Variants in ADGRV1 observed in about 807,000 individuals in gnomAD.
ADGRV1 encodes the protein G-protein coupled receptor 98.
In ADGRV1, 359 loss-of-function variants were observed where a neutral mutation model predicts 596.2. The ratio of observed to expected loss-of-function variants is 0.60; its 90% confidence interval spans 0.55 to 0.66. ADGRV1 has a LOEUF of 0.66. Ranked by LOEUF, ADGRV1 falls within the 30% of genes least tolerant of loss-of-function variation. The pLI, the probability that ADGRV1 is intolerant of heterozygous loss-of-function variation, is 0.00. For missense variants in ADGRV1, 7,274 were observed against 7,575.6 expected, an observed-to-expected ratio of 0.96 and a Z score of 1.48; for synonymous variants, 2,681 against 2,679.2, an observed-to-expected ratio of 1.00 and a Z score of -0.02.
At chr5:91,069,511 C>T (rs1185774872) in intron 85 of ADGRV1, among the ~76,000 whole-genome samples, 1 of 152,120 alleles carries the variant, frequency 6.6e-6, no homozygotes, top group Non-Finnish European at 1.5e-5. Flanking sequence ...TGATAAAATG[C>T]TCTACATCAT....
intron 83 of ADGRV1, among the ~76,000 whole-genome samples, chr5:90,918,434 A>C (rs1260509369): frequency 6.6e-6 from 1 of 152,150 alleles, no homozygotes; most frequent in Non-Finnish European, 1.5e-5. Flanking sequence ...CAGCGATTTT[A>C]TCTCTTGCAT....
chr5:91,151,964 T>A (rs1201113390), intron 88 of ADGRV1, among the ~76,000 whole-genome samples: 1 of 152,242 alleles, frequency 6.6e-6, no homozygotes, highest in Non-Finnish European at 1.5e-5. Context: ...GTCTTTGCTG[T>A]TTCTCAGAAC....
At position 90,759,608 on chromosome 5, in the gene ADGRV1, G is replaced by C; in HGVS notation, c.12120+20G>C. 6.2e-7 allele frequency: 1 copy of C among 1,600,006 alleles called. No homozygotes were observed. The highest frequency in any genetic ancestry group is 8.6e-7 in the Non-Finnish European group (1 of 1,168,204). On this transcript the variant is annotated intron_variant, in intron 58 of 89. Coordinates refer to ENST00000405460, the MANE Select transcript of ADGRV1 (RefSeq NM_032119.4). ...AAGACTGTAAGTTAAACATATCAGG[G>C]GAAAGCCTTGTTTCAGGCTAGCGTT...
chr5:91,035,398 A>G (rs918142908), intron 85 of ADGRV1, among the ~76,000 whole-genome samples: 2 of 152,148 alleles, frequency 1.3e-5, no homozygotes, highest in Non-Finnish European at 2.9e-5. Flanking sequence ...TGTTTATAAG[A>G]TTTTAAGATA....
chr5:90,915,257 G>A (rs1382797966), intron 83 of ADGRV1, among the ~76,000 whole-genome samples: 2 of 152,050 alleles, frequency 1.3e-5, no homozygotes, highest in African/African-American at 4.8e-5. Context: ...TTTGTATAGG[G>A]CATTATTTAT....
chr5:91,072,239 T>C (rs1276214355), intron 85 of ADGRV1, among the ~76,000 whole-genome samples: 2 of 152,222 alleles, frequency 1.3e-5, no homozygotes, highest in Admixed American at 1.3e-4. Flanking sequence ...AAGAGGTGAA[T>C]GTTCCAGGGA....
chr5:90,846,890 C>G (rs1765938241), intron 78 of ADGRV1, among the ~76,000 whole-genome samples: 1 of 152,156 alleles, frequency 6.6e-6, no homozygotes, highest in Admixed American at 6.5e-5. Flanking sequence ...TCCATTTTGA[C>G]AGGGTGCTGA....
chr5:90,976,229 T>C (rs1176112307), intron 84 of ADGRV1, among the ~76,000 whole-genome samples: 1 of 147,768 alleles, frequency 6.8e-6, no homozygotes, highest in Non-Finnish European at 1.5e-5. Context: ...TATATATATA[T>C]ATATACACAA....
intron 1 of ADGRV1, among the ~76,000 whole-genome samples, chr5:90,603,901 CGT>C (rs1456797667): frequency 7.6e-6 from 1 of 131,180 alleles, no homozygotes; most frequent in African/African-American, 2.7e-5. Flanking sequence ...CCTGCACACA[CGT>C]GTGTGCAGGC....
At position 90,644,718 on chromosome 5, in the gene ADGRV1, T is replaced by G; in HGVS notation, c.2747T>G (p.Val916Gly). 6.2e-7 allele frequency: 1 copy of G among 1,608,502 alleles called. No individual in the cohort carries two copies. Among genetic ancestry groups the G allele is most frequent in the Non-Finnish European group, 8.5e-7 (1 of 1,178,182 alleles). Residue 916 changes from valine to glycine, a missense_variant, in exon 15 of 90, where the codon GTA (valine) becomes GGA (glycine). This residue lies in a region of ADGRV1 where 1,715 missense variants were observed against 1,708.8 expected (regional missense o/e 1.00). Coordinates refer to ENST00000405460, the MANE Select transcript of ADGRV1 (RefSeq NM_032119.4). ...GDAIYSAVYD[V>G]VRNRGNFGDV... ...TTCCATTTCACAGCTGTTTATGATG[T>G]AGTAAGAAATCGAGGCAACTTTGGT...
chr5:90,643,355 C>A (rs889648175), intron 13 of ADGRV1, among the ~76,000 whole-genome samples: 26 of 151,660 alleles, frequency 1.7e-4, no homozygotes, highest in Admixed American at 7.9e-4. Flanking sequence ...ATTGACTGAA[C>A]TTTTAATGAT....
At chr5:90,853,605 A>C in intron 80 of ADGRV1, 72 bp downstream of exon 80, 1 of 1,432,456 alleles carries the variant, frequency 7.0e-7, no homozygotes. Flanking sequence ...CTTGGAATGC[A>C]TTTGTTTGAT....
At chr5:90,921,483 A>T (rs533907521) in intron 83 of ADGRV1, among the ~76,000 whole-genome samples, 1 of 152,182 alleles carries the variant, frequency 6.6e-6, no homozygotes, top group Non-Finnish European at 1.5e-5. Context: ...CCTACTGAAT[A>T]TCTCCAACAG....
At chr5:90,901,060 C>T (rs972024800) in intron 83 of ADGRV1, among the ~76,000 whole-genome samples, 1 of 151,910 alleles carries the variant, frequency 6.6e-6, no homozygotes, top group African/African-American at 2.4e-5. Flanking sequence ...TACCTTTTTC[C>T]TCAAGAGATA....
intron 21 of ADGRV1, among the ~76,000 whole-genome samples, chr5:90,671,904 T>G (rs1188942239): frequency 4.6e-5 from 7 of 152,158 alleles, no homozygotes; most frequent in Non-Finnish European, 7.4e-5. Flanking sequence ...AAAATACCTC[T>G]AGGTTTATAT....
intron 2 of ADGRV1, 78 bp from the exon 3 acceptor site, chr5:90,617,726 G>T: frequency 8.5e-7 from 1 of 1,182,048 alleles, no homozygotes; most frequent in Non-Finnish European, 1.2e-6. Flanking sequence ...TTTTTCTCTT[G>T]ATTGCTGTAA....
intron 85 of ADGRV1, among the ~76,000 whole-genome samples, chr5:90,995,866 G>T (rs188013964): frequency 6.6e-6 from 1 of 152,154 alleles, no homozygotes; most frequent in African/African-American, 2.4e-5. Flanking sequence ...TTGTGCCCCC[G>T]CTCTAGGGCT....
In ADGRV1 at chr5:90,815,726, C is replaced by T. The variant is rs1762831273; in HGVS notation, c.16186C>T (p.Gln5396Ter). The change falls in exon 75 of 90, where the codon CAG becomes TAG. Residue 5396 changes from glutamine to a stop codon, truncating the protein, a stop_gained. Coordinates refer to ENST00000405460, the MANE Select transcript of ADGRV1 (RefSeq NM_032119.4). LOFTEE classifies it high-confidence loss of function. ...MRRLHLIVTRQPNRAFEDVKV... is the reference protein window; with the variant it reads ...MRRLHLIVTR Reference sequence around the variant, plus strand: ...AAGATTGCACCTTATTGTCACAAGACAGCCAAACAGGTATGTGTATATATA... The same window carrying T: ...AAGATTGCACCTTATTGTCACAAGATAGCCAAACAGGTATGTGTATATATA... The T allele has an allele frequency of 1.3e-6, 2 of 1,515,942 alleles. No homozygotes were observed. Among genetic ancestry groups the T allele is most frequent in the African/African-American group, 2.8e-5 (2 of 72,680 alleles). The allele number at this position is 1,515,942 out of a possible 1,614,324, so 93.9% of individuals were successfully genotyped here. A position where few individuals can be genotyped will look rare whatever the true frequency, so the allele number is the denominator to read the frequency against.
At chr5:91,130,587 GGGTTACT>G (rs1434303329) in intron 87 of ADGRV1, among the ~76,000 whole-genome samples, 2 of 149,860 alleles carry the variant, frequency 1.3e-5, no homozygotes, top group African/African-American at 4.9e-5. Flanking sequence ...TAAAGTATCT[GGGTTACT>G]GGTTACTGAA....
Sources: allele counts gnomAD v4.1 joint callset (sites outside exome capture counted in the v4.1 genomes callset), GRCh38; gene constraint gnomAD v4.1.1; regional missense constraint gnomAD v4.1.1; transcripts MANE v1.5; gene names NCBI Gene and HGNC (gene_info 2026-07-23, HGNC 2026-07-21).